Variants in PIAS1 observed in about 807,000 individuals in gnomAD.
The protein encoded by PIAS1 is protein inhibitor of activated STAT 1, also known as E3 SUMO-protein ligase PIAS1.
Under a neutral mutation model 71.3 loss-of-function variants are expected in PIAS1, and 6 were observed. The ratio of observed to expected loss-of-function variants is 0.08; its 90% CI spans 0.05 to 0.17. The LOEUF (loss-of-function observed/expected upper bound fraction) is 0.17, where lower values mean the gene tolerates loss of function less well. PIAS1 is among the 10% of genes least tolerant of loss of function. The pLI, the probability that PIAS1 is intolerant of heterozygous loss-of-function variation, is 1.00. For synonymous variants in PIAS1, 303 were observed against 292.9 expected (o/e 1.03, Z -0.35); for missense variants, 555 against 793.6 (o/e 0.70, Z 3.61).
rs913401351 is a variant in PIAS1, at chr15:68,190,287, G to A, written c.*2452G>A. The A allele has an allele frequency of 6.6e-6, 1 of 152,110 alleles. No individual in the cohort carries two copies. The highest frequency in any genetic ancestry group is 2.4e-5 in the African/African-American group (1 of 41,420). 9.4% of individuals were successfully genotyped at this position (152,110 alleles called of 1,614,324 possible). The stretch of plus-strand genomic sequence containing the variant: ...CATTCAGTTGTCTTAATTTTAGTTC[G>A]TTCTACCCTGTGAGGAGTTTGTTTC... On this transcript the variant is annotated 3_prime_UTR_variant, in exon 14 of 14. Coordinates refer to ENST00000249636, the MANE Select transcript of PIAS1 (RefSeq NM_016166.3). This position sits in a 1 kb window ranked among gnomAD's most constrained non-coding sequence, Gnocchi z 4.7.
intron 2 of PIAS1, among the ~76,000 whole-genome samples, chr15:68,129,089 G>T (rs975206797): frequency 6.6e-6 from 1 of 151,872 alleles, no homozygotes; most frequent in Non-Finnish European, 1.5e-5. Flanking sequence ...TTAGAGACAG[G>T]GTCTCTCTGT....
intron 4 of PIAS1, among the ~76,000 whole-genome samples, chr15:68,142,900 AT>A (rs989196589): frequency 6.6e-6 from 1 of 152,096 alleles, no homozygotes; most frequent in Non-Finnish European, 1.5e-5. Flanking sequence ...ATATGCTCTA[AT>A]TTAGGATCCA....
At chr15:68,089,499 T>G (rs2092315366) in intron 2 of PIAS1, among the ~76,000 whole-genome samples, 2 of 152,232 alleles carry the variant, frequency 1.3e-5, no homozygotes, top group Admixed American at 6.5e-5. Context: ...ATCTGTACAT[T>G]TCTTCCCCAG....
At chr15:68,130,261 G>C (rs967239838) in intron 2 of PIAS1, among the ~76,000 whole-genome samples, 1 of 151,784 alleles carries the variant, frequency 6.6e-6, no homozygotes, top group Non-Finnish European at 1.5e-5. Context: ...AAATATATAA[G>C]CTTCTTGCAG....
At position 68,171,192 on chromosome 15, in the gene PIAS1, A is replaced by C. The variant is rs2092989138; in HGVS notation, c.1009-2540A>C. 6.6e-6 allele frequency among the ~76,000 whole-genome samples: 1 copy of C among 152,188 alleles called. No individual in the cohort carries two copies. The highest frequency in any genetic ancestry group is 1.5e-5 in the Non-Finnish European group (1 of 68,038). On this transcript the variant is annotated intron_variant, in intron 8 of 13. Coordinates refer to ENST00000249636, the MANE Select transcript of PIAS1 (RefSeq NM_016166.3). This position sits in a 1 kb window ranked among gnomAD's most constrained non-coding sequence, Gnocchi z 4.4. ...AGGCCTGCACAGGGTCCGGATCATC[A>C]GTATCACTACTTTCCACCTCCACAT...
chr15:68,114,949 A>G (rs7162430), intron 2 of PIAS1, among the ~76,000 whole-genome samples: 64,762 of 151,810 alleles, frequency 0.43, 14,840 homozygotes, highest in East Asian at 0.8. Context: ...TTTGATAATT[A>G]ATACTTACGG....
Position 68,096,230 on chromosome 15 carries a change from T to C in PIAS1, c.469+9480T>C, listed in dbSNP as rs2092374429. On this transcript the variant is annotated intron_variant, in intron 2 of 13. Transcript: ENST00000249636. ...GTTTTGACAGCCTTGTCAGAGATCATTTGGCTATGTATGTGTGAGGGTTTG... is the reference window on the plus strand; with the variant it reads ...GTTTTGACAGCCTTGTCAGAGATCACTTGGCTATGTATGTGTGAGGGTTTG... Among the ~76,000 whole-genome samples, 4 of 152,200 alleles carry C rather than the reference T, an allele frequency of 2.6e-5. No homozygotes were observed. The South Asian group carries it at 8.3e-4, about 32-fold the overall frequency.
At chr15:68,162,943 C>A (rs1013910364) in intron 7 of PIAS1, among the ~76,000 whole-genome samples, 4 of 152,146 alleles carry the variant, frequency 2.6e-5, no homozygotes, top group African/African-American at 9.7e-5. Context: ...TTTGTTCTTT[C>A]CATGCCCTCC....
At chr15:68,160,835 A>G (rs1315658869) in intron 7 of PIAS1, among the ~76,000 whole-genome samples, 16 of 152,190 alleles carry the variant, frequency 1.1e-4, no homozygotes, top group Admixed American at 6.5e-4. Context: ...AAAAGTCTAC[A>G]CTACAGCTGA....
chr15:68,143,495 G>T (rs991833551), intron 4 of PIAS1, among the ~76,000 whole-genome samples: 10 of 152,062 alleles, frequency 6.6e-5, no homozygotes, highest in Admixed American at 3.9e-4. Flanking sequence ...CAGTATGACA[G>T]GACCTTACTG....
chr15:68,078,741 C>T (rs1242209401), intron 1 of PIAS1, among the ~76,000 whole-genome samples: 1 of 152,100 alleles, frequency 6.6e-6, no homozygotes, highest in African/African-American at 2.4e-5. Context: ...AATGCTCTGT[C>T]TTGTAGGTTC....
At chr15:68,147,040 G>GATTC (rs961482876) in intron 6 of PIAS1, among the ~76,000 whole-genome samples, 3 of 152,102 alleles carry the variant, frequency 2.0e-5, no homozygotes, top group African/African-American at 7.2e-5. Flanking sequence ...TTTATTGATT[G>GATTC]ATTCATTGGT....
chr15:68,176,535 C>A lies in PIAS1; in HGVS notation c.1362C>A (p.Asn454Lys). The change falls in exon 11 of 14, where the codon AAC becomes AAA. Residue 454 changes from asparagine to lysine, a missense_variant. By Grantham distance (94) the Asn-to-Lys change is moderately conservative. Around this residue, in one of 5 missense-constraint regions of PIAS1, gnomAD observed 244 missense variants for 307.5 expected, o/e 0.79. Transcript: ENST00000249636. ...CTCACCACCAGTCCTCAAATAAAAA[C>A]AAGAAAGTAGAAGTGATTGACCTAA... ...VASHHQSSNK[N>K]KKVEVIDLTI... is the part of the protein sequence containing the mutation. The A allele has an allele frequency of 6.2e-7, 1 of 1,612,146 alleles. No individual in the cohort carries two copies. Among genetic ancestry groups the A allele is most frequent in the Non-Finnish European group, 8.5e-7 (1 of 1,179,196 alleles).
intron 2 of PIAS1, among the ~76,000 whole-genome samples, chr15:68,092,663 T>C (rs751846918): frequency 1.3e-5 from 2 of 152,182 alleles, no homozygotes; most frequent in Admixed American, 1.3e-4. Flanking sequence ...GTGGCCCTTA[T>C]GGATGAGATT....
At chr15:68,169,642 G>C (rs994906033) in intron 8 of PIAS1, among the ~76,000 whole-genome samples, 2 of 152,228 alleles carry the variant, frequency 1.3e-5, no homozygotes, top group African/African-American at 4.8e-5. Flanking sequence ...TAGAAATGCA[G>C]TAAGGGAGTC....
intron 2 of PIAS1, among the ~76,000 whole-genome samples, chr15:68,092,274 G>A (rs1226821211): frequency 6.6e-6 from 1 of 152,006 alleles, no homozygotes; most frequent in Non-Finnish European, 1.5e-5. Flanking sequence ...CCTGGCTCAA[G>A]CGATCCTCCC....
chr15:68,155,462 A>AAC (rs1287190077), intron 7 of PIAS1, among the ~76,000 whole-genome samples: 10 of 151,254 alleles, frequency 6.6e-5, no homozygotes, highest in African/African-American at 2.2e-4. Context: ...AAAAAAAAAA[A>AAC]AAAAAAAAAA....
chr15:68,175,494 T>A lies in PIAS1; in HGVS notation c.1170-143T>A, dbSNP rs547240531. 6 of 340,820 alleles carry A rather than the reference T, an allele frequency of 1.8e-5. No individual in the cohort carries two copies. The Admixed American group carries it at 2.9e-4, about 16-fold the overall frequency. 21.1% of individuals were successfully genotyped at this position (340,820 alleles called of 1,614,324 possible). A position where few individuals can be genotyped will look rare whatever the true frequency, so the allele number is the denominator to read the frequency against. ...GAAAATGTCATTTTTCATGGTCACA[T>A]GATATTTTCTTACATAAATGTGACA... On this transcript the variant is annotated intron_variant, in intron 9 of 13. Coordinates refer to ENST00000249636, the MANE Select transcript of PIAS1 (RefSeq NM_016166.3).
At chr15:68,087,970 T>G (rs2092297817) in intron 2 of PIAS1, 1 of 265,398 alleles carries the variant, frequency 3.8e-6, no homozygotes, top group Non-Finnish European at 7.7e-6. Flanking sequence ...TGTATGCTTA[T>G]AAAACTGACA....
Sources: allele counts gnomAD v4.1 joint callset (sites outside exome capture counted in the v4.1 genomes callset), GRCh38; gene constraint gnomAD v4.1.1; regional missense constraint gnomAD v4.1.1; non-coding constraint Gnocchi (gnomAD v3.1); transcripts MANE v1.5; gene names NCBI Gene and HGNC (gene_info 2026-07-23, HGNC 2026-07-21).